AIG1: variants seen among roughly 807,000 people sequenced by gnomAD.
AIG1 encodes androgen-induced gene 1 protein.
A neutral mutation model predicts 31.4 loss-of-function variants in AIG1; 23 were observed. The observed-to-expected ratio is 0.73, with a 90% CI of 0.53 to 1.04. AIG1 has a LOEUF of 1.04. AIG1 is among the 50% of genes least tolerant of loss of function. The probability of loss-of-function intolerance (pLI) is 0.00; values close to 1 mark genes in which losing one functional copy is unlikely to be tolerated. For synonymous variants in AIG1, 100 were observed against 110.5 expected, an observed-to-expected ratio of 0.90 and a Z score of 0.60; for missense variants, 274 against 295.0, an observed-to-expected ratio of 0.93 and a Z score of 0.52.
chr6:143,261,621 T>A (rs1583657846), intron 3 of AIG1, among the ~76,000 whole-genome samples: 1 of 152,184 alleles, frequency 6.6e-6, no homozygotes, highest in Non-Finnish European at 1.5e-5. Context: ...GCCCTTACCT[T>A]TCCTCTATGC....
At chr6:143,147,111 A>G (rs1187074047) in intron 2 of AIG1, among the ~76,000 whole-genome samples, 1 of 152,184 alleles carries the variant, frequency 6.6e-6, no homozygotes, top group African/African-American at 2.4e-5. Context: ...GTCTGTACAT[A>G]GGTAGGCTAC....
At position 143,327,456 on chromosome 6, in the gene AIG1, C is replaced by T; in HGVS notation, c.516-5826C>T. ...TTTGCCACGAAGGAGATGGGAACTC[C>T]AGATTTGCGCATTGATACCAGGCCC... On this transcript the variant is annotated intron_variant, in intron 4 of 5. Transcript: ENST00000357847. This position sits in a 1 kb window ranked among gnomAD's most constrained non-coding sequence, Gnocchi z 5.3. The T allele has an allele frequency of 2.5e-6, 1 of 393,026 alleles. No homozygotes were observed. Among genetic ancestry groups the T allele is most frequent in the South Asian group, 2.2e-5 (1 of 45,970 alleles). 24.3% of individuals were successfully genotyped at this position (393,026 alleles called of 1,614,324 possible). A position where few individuals can be genotyped will look rare whatever the true frequency, so the allele number is the denominator to read the frequency against.
intron 2 of AIG1, among the ~76,000 whole-genome samples, chr6:143,153,913 T>C (rs886512875): frequency 1.3e-5 from 2 of 151,568 alleles, no homozygotes; most frequent in African/African-American, 4.9e-5. Flanking sequence ...CAACCAATTA[T>C]TAATAGATTC....
intron 3 of AIG1, among the ~76,000 whole-genome samples, chr6:143,181,379 C>A (rs1788703650): frequency 6.6e-6 from 1 of 152,178 alleles, no homozygotes; most frequent in Non-Finnish European, 1.5e-5. Flanking sequence ...GAGTCAGATG[C>A]TTTCAGAACT....
chr6:143,237,888 G>T (rs889042791), intron 3 of AIG1, among the ~76,000 whole-genome samples: 3 of 152,066 alleles, frequency 2.0e-5, no homozygotes, highest in Non-Finnish European at 2.9e-5. Flanking sequence ...AAGTGTTTCT[G>T]GTGTTACTTC....
chr6:143,086,721 G>A (rs529234929), intron 1 of AIG1, among the ~76,000 whole-genome samples: 62 of 152,304 alleles, frequency 4.1e-4, no homozygotes, highest in Non-Finnish European at 8.1e-4. Flanking sequence ...TTAGTACCTA[G>A]GAGGCAGGGA....
At chr6:143,238,620 A>C (rs191711607) in intron 3 of AIG1, among the ~76,000 whole-genome samples, 1 of 152,232 alleles carries the variant, frequency 6.6e-6, no homozygotes, top group Non-Finnish European at 1.5e-5. Flanking sequence ...TGAAAGGAAG[A>C]AAGTGAATAG....
In AIG1 at chr6:143,256,048, G is replaced by C. The variant is rs112549318; in HGVS notation, c.400-28062G>C. The stretch of plus-strand genomic sequence containing the variant: ...AGTTTTGGAGTCTTCCTTTACAAAT[G>C]GTGGCTTAGGTGCTTGAGCAAATAT... On this transcript the variant is annotated intron_variant, in intron 3 of 5. Transcript: ENST00000357847. The surrounding 1 kb of genome is among the most constrained non-coding windows in gnomAD (Gnocchi z 4.6). Among the ~76,000 whole-genome samples the C allele has an allele frequency of 2.0e-5, 3 of 152,202 alleles. No homozygotes were observed. Among genetic ancestry groups the C allele is most frequent in the African/African-American group, 7.2e-5 (3 of 41,506 alleles).
rs1207186851 is a variant in AIG1 at position 143,071,686 on chromosome 6, TTTG to T, written c.141+10638_141+10640del. Among the ~76,000 whole-genome samples, 430 of 148,770 alleles carry T rather than the reference TTTG, an allele frequency of 2.9e-3. 2 individuals carry two copies. Among genetic ancestry groups the T allele is most frequent in the African/African-American group, 8.9e-3 (351 of 39,268 alleles). ...TGGTGGTGGTAGTGGTGGTTCTTTT[TTTG>T]TTGTTGTTGTTGTTGTTCTTCTTCT... On this transcript the variant is annotated intron_variant, in intron 1 of 5. Transcript: ENST00000357847.
intron 4 of AIG1, among the ~76,000 whole-genome samples, chr6:143,294,408 G>T (rs954790062): frequency 1.3e-5 from 2 of 152,200 alleles, no homozygotes; most frequent in East Asian, 3.8e-4. Context: ...TGAGATAGTG[G>T]ATTCATGAGC....
At chr6:143,100,029 C>T (rs1780113432) in intron 1 of AIG1, among the ~76,000 whole-genome samples, 1 of 152,170 alleles carries the variant, frequency 6.6e-6, no homozygotes, top group East Asian at 1.9e-4. Context: ...GTTTGCTTGC[C>T]AGTGGTGCCA....
chr6:143,265,410 CA>C, intron 3 of AIG1, among the ~76,000 whole-genome samples: 1 of 152,304 alleles, frequency 6.6e-6, no homozygotes, highest in Middle Eastern at 3.4e-3. Flanking sequence ...CTGTTTTATG[CA>C]TTGCCTTGAT....
chr6:143,321,584 T>G (rs111763785), intron 4 of AIG1, among the ~76,000 whole-genome samples: 68 of 151,780 alleles, frequency 4.5e-4, no homozygotes, highest in African/African-American at 1.6e-3. Flanking sequence ...AGAGGAAGAC[T>G]GTATAAAAAA....
chr6:143,203,462 T>A (rs201312078), intron 3 of AIG1, among the ~76,000 whole-genome samples: 2 of 152,200 alleles, frequency 1.3e-5, no homozygotes, highest in Non-Finnish European at 2.9e-5. Context: ...AATTTCAAGA[T>A]GCATGTAAAT....
chr6:143,122,908 T>C (rs1330556270), intron 1 of AIG1, among the ~76,000 whole-genome samples: 3 of 152,160 alleles, frequency 2.0e-5, no homozygotes, highest in Non-Finnish European at 2.9e-5. Context: ...TTTTCTTTAA[T>C]CATTCTAAGC....
chr6:143,111,453 C>T (rs1279997652), intron 1 of AIG1, among the ~76,000 whole-genome samples: 1 of 152,198 alleles, frequency 6.6e-6, no homozygotes, highest in African/African-American at 2.4e-5. Flanking sequence ...CTCTCTGACT[C>T]TTTCTCAGGC....
chr6:143,175,476 C>G (rs1378974656), intron 3 of AIG1, among the ~76,000 whole-genome samples: 1 of 152,178 alleles, frequency 6.6e-6, no homozygotes, highest in Admixed American at 6.5e-5. Context: ...CAATCCCAAA[C>G]TTCTTGGAGC....
In AIG1 at chr6:143,258,320, A is replaced by G. The variant is rs148774784; in HGVS notation, c.400-25790A>G. ...TCATGTTCATTCAGCCTCTTCATGA[A>G]TTTTGTGAACAATCACCAGCATATT... On this transcript the variant is annotated intron_variant, in intron 3 of 5. Transcript: ENST00000357847. The surrounding 1 kb of genome is among the most constrained non-coding windows in gnomAD (Gnocchi z 4.7). Among the ~76,000 whole-genome samples the G allele has an allele frequency of 7.4e-4, 112 of 152,300 alleles. No individual in the cohort carries two copies. Among genetic ancestry groups the G allele is most frequent in the Middle Eastern group, 6.8e-3 (2 of 294 alleles).
chr6:143,229,079 G>A (rs568426257), intron 3 of AIG1, among the ~76,000 whole-genome samples: 4 of 152,330 alleles, frequency 2.6e-5, no homozygotes, highest in Non-Finnish European at 1.5e-5. Flanking sequence ...AGTGGGCCCT[G>A]TGCTTCAGTA....
Sources: allele counts gnomAD v4.1 joint callset (sites outside exome capture counted in the v4.1 genomes callset), GRCh38; gene constraint gnomAD v4.1.1; non-coding constraint Gnocchi (gnomAD v3.1); transcripts MANE v1.5; gene names NCBI Gene and HGNC (gene_info 2026-07-23, HGNC 2026-07-21).